Variants in TSPAN5 observed in about 807,000 individuals in gnomAD.
TSPAN5 encodes the protein tetraspanin 5.
A neutral mutation model predicts 37.1 loss-of-function variants in TSPAN5; 10 were observed. The observed-to-expected ratio is 0.27, with a 90% CI of 0.17 to 0.46. The LOEUF (loss-of-function observed/expected upper bound fraction) is 0.46, where lower values mean the gene tolerates loss of function less well. Among genes scored for constraint, TSPAN5 ranks in the 20% least tolerant of loss-of-function variants. The probability of loss-of-function intolerance (pLI) is 1.00; values close to 1 mark genes in which losing one functional copy is unlikely to be tolerated. For missense variants in TSPAN5, 195 were observed against 326.6 expected (o/e 0.60, Z 3.11); for synonymous variants, 110 against 118.9 (o/e 0.93, Z 0.48).
At chr4:98,582,922 G>A (rs1385373929) in intron 1 of TSPAN5, among the ~76,000 whole-genome samples, 1 of 152,212 alleles carries the variant, frequency 6.6e-6, no homozygotes, top group South Asian at 2.1e-4. Flanking sequence ...GCTGTTATGA[G>A]TTGTGAATTC....
intron 2 of TSPAN5, among the ~76,000 whole-genome samples, chr4:98,504,046 T>C (rs1753417544): frequency 6.6e-6 from 1 of 152,246 alleles, no homozygotes; most frequent in Non-Finnish European, 1.5e-5. Flanking sequence ...TGAACTGCAA[T>C]ATTAGCCCTA....
chr4:98,584,839 C>T (rs1247530758), intron 1 of TSPAN5, among the ~76,000 whole-genome samples: 2 of 152,200 alleles, frequency 1.3e-5, no homozygotes. Context: ...AATGAGAAGG[C>T]ACAATTTATC....
intron 1 of TSPAN5, among the ~76,000 whole-genome samples, chr4:98,550,852 A>G (rs553144384): frequency 6.6e-4 from 100 of 152,186 alleles, no homozygotes; most frequent in African/African-American, 2.3e-3. Context: ...CTCCTTTCCA[A>G]TTTGGATGTC....
intron 1 of TSPAN5, among the ~76,000 whole-genome samples, chr4:98,604,085 A>G (rs541965828): frequency 1.3e-5 from 2 of 152,118 alleles, no homozygotes; most frequent in African/African-American, 4.8e-5. Context: ...CTAGCATGAA[A>G]AAAAAAAGAG....
At chr4:98,611,439 T>G (rs1318665205) in intron 1 of TSPAN5, among the ~76,000 whole-genome samples, 1 of 152,208 alleles carries the variant, frequency 6.6e-6, no homozygotes, top group Non-Finnish European at 1.5e-5. Flanking sequence ...CAGCACACAC[T>G]GGTGGGAAGT....
intron 1 of TSPAN5, among the ~76,000 whole-genome samples, chr4:98,535,671 A>G (rs1459727434): frequency 6.6e-6 from 1 of 152,166 alleles, no homozygotes; most frequent in Non-Finnish European, 1.5e-5. Flanking sequence ...AGGTACACCA[A>G]TCAAACACAG....
At position 98,472,463 on chromosome 4, in the gene TSPAN5, G is replaced by A. The variant is rs1018479743; in HGVS notation, c.*59C>T. The A allele has an allele frequency of 5.6e-5, 84 of 1,512,154 alleles. No homozygotes were observed. In the Middle Eastern group the frequency reaches 5.6e-4, roughly 10 times the overall value. The allele number at this position is 1,512,154 out of a possible 1,614,324, so 93.7% of individuals were successfully genotyped here. A position where few individuals can be genotyped will look rare whatever the true frequency, so the allele number is the denominator to read the frequency against. On this transcript the variant is annotated 3_prime_UTR_variant, in exon 8 of 8. Coordinates refer to ENST00000305798, the MANE Select transcript of TSPAN5 (RefSeq NM_005723.4). Reference sequence around the variant, plus strand: ...TGCAGCTCGAAGATCAGTTCGGCACGCGGGAGGGTCCCGAAAGCTGGGTCT... The same window carrying A: ...TGCAGCTCGAAGATCAGTTCGGCACACGGGAGGGTCCCGAAAGCTGGGTCT...
chr4:98,532,193 T>C (rs145716338), intron 1 of TSPAN5, among the ~76,000 whole-genome samples: 4,883 of 152,324 alleles, frequency 0.032, 120 homozygotes, highest in Admixed American at 0.053. Flanking sequence ...TGGTTCCATA[T>C]GAAGTTTAAA....
chr4:98,491,561 G>A (rs1382352999), intron 2 of TSPAN5, among the ~76,000 whole-genome samples: 1 of 152,080 alleles, frequency 6.6e-6, no homozygotes, highest in South Asian at 2.1e-4. Context: ...GGTGGTACCT[G>A]CCTGTAATCC....
intron 5 of TSPAN5, 23 bp downstream of exon 5, chr4:98,478,662 A>G (rs780173080): frequency 6.2e-7 from 1 of 1,614,158 alleles, no homozygotes; most frequent in Admixed American, 1.7e-5. Context: ...GAGTAGGCCA[A>G]TAGTTCGCTG....
intron 1 of TSPAN5, 123 bp downstream of exon 1, chr4:98,658,023 C>G: frequency 1.2e-6 from 1 of 854,520 alleles, no homozygotes; most frequent in South Asian, 1.3e-5. Flanking sequence ...AGGCGAATGC[C>G]TCTATGCTGC....
intron 1 of TSPAN5, among the ~76,000 whole-genome samples, chr4:98,622,864 C>T (rs923756678): frequency 1.3e-5 from 2 of 151,962 alleles, no homozygotes; most frequent in Non-Finnish European, 2.9e-5. Context: ...CAGAAGAAAA[C>T]GTGTCTGCAG....
At chr4:98,546,480 T>G (rs111452161) in intron 1 of TSPAN5, among the ~76,000 whole-genome samples, 1 of 152,178 alleles carries the variant, frequency 6.6e-6, no homozygotes, top group South Asian at 2.1e-4. Context: ...CCCGACAGAA[T>G]AGAAAATATC....
chr4:98,518,496 T>G (rs928025996), intron 1 of TSPAN5, among the ~76,000 whole-genome samples: 2 of 152,100 alleles, frequency 1.3e-5, no homozygotes, highest in Non-Finnish European at 2.9e-5. Flanking sequence ...CCACAGAAAC[T>G]ATGAGATCAC....
In TSPAN5 at chr4:98,535,266, G is replaced by GACAAGCA. The variant is rs1754204882; in HGVS notation, c.82-27539_82-27538insTGCTTGT. Among the ~76,000 whole-genome samples, 4 of 152,240 alleles carry GACAAGCA rather than the reference G, an allele frequency of 2.6e-5. 1 individual carries two copies. The South Asian group carries it at 6.2e-4, about 24-fold the overall frequency. ...TCTCAGCATTTGCTTGTCTGTAAAGGATTTTATTTCTCCTTCGCTTATGAA... is the reference window on the plus strand; with the variant it reads ...TCTCAGCATTTGCTTGTCTGTAAAGGACAAGCAATTTTATTTCTCCTTCGCTTATGAA... On this transcript the variant is annotated intron_variant, in intron 1 of 7. Coordinates refer to ENST00000305798, the MANE Select transcript of TSPAN5 (RefSeq NM_005723.4).
At chr4:98,639,754 T>C (rs1756925252) in intron 1 of TSPAN5, among the ~76,000 whole-genome samples, 2 of 152,192 alleles carry the variant, frequency 1.3e-5, no homozygotes, top group Non-Finnish European at 1.5e-5. Flanking sequence ...TCTTCACCAT[T>C]AGAAACTTAT....
intron 1 of TSPAN5, among the ~76,000 whole-genome samples, chr4:98,532,952 G>A (rs984564741): frequency 5.3e-5 from 8 of 152,128 alleles, no homozygotes; most frequent in African/African-American, 7.2e-5. Flanking sequence ...ATAATCATGC[G>A]GTTTTTGTCA....
chr4:98,565,821 C>T (rs1379701801), intron 1 of TSPAN5, among the ~76,000 whole-genome samples: 16 of 152,186 alleles, frequency 1.1e-4, no homozygotes, highest in Admixed American at 7.2e-4. Flanking sequence ...GCTTCACCTG[C>T]ATGCCCCATT....
intron 1 of TSPAN5, among the ~76,000 whole-genome samples, chr4:98,548,361 T>C (rs13114571): frequency 0.6 from 90,888 of 151,922 alleles, 27,505 homozygotes; most frequent in South Asian, 0.75. Flanking sequence ...GGTCCTGTTA[T>C]TTGCTTAGTG....
Sources: gnomAD v4.1 joint callset for allele counts (sites outside exome capture counted in the v4.1 genomes callset) on GRCh38, gnomAD v4.1.1 for gene constraint, MANE v1.5 for transcripts, NCBI Gene and HGNC (gene_info 2026-07-23, HGNC 2026-07-21) for gene names.